Variants in CDC42SE2 observed in about 807,000 individuals in gnomAD.
CDC42SE2 encodes the protein CDC42 small effector protein 2.
Under a neutral mutation model 11.5 loss-of-function variants are expected in CDC42SE2, and 3 were observed. That is an observed-to-expected ratio of 0.26 (90% confidence interval 0.12 to 0.67). CDC42SE2 has a LOEUF of 0.67. CDC42SE2 is among the 30% of genes least tolerant of loss of function. The pLI, the probability that CDC42SE2 is intolerant of heterozygous loss-of-function variation, is 0.80. For missense variants in CDC42SE2, 82 were observed against 106.8 expected, an observed-to-expected ratio of 0.77 and a Z score of 1.02; for synonymous variants, 33 against 34.8, an observed-to-expected ratio of 0.95 and a Z score of 0.18.
At chr5:131,302,421 C>T (rs918845689) in intron 1 of CDC42SE2, among the ~76,000 whole-genome samples, 7 of 152,248 alleles carry the variant, frequency 4.6e-5, no homozygotes, top group Non-Finnish European at 1.0e-4. Flanking sequence ...TCGGGTGATC[C>T]GCCTGCCTCG....
chr5:131,345,719 G>C lies in CDC42SE2; in HGVS notation c.-285-13490G>C, dbSNP rs576890145. Among the ~76,000 whole-genome samples, 11 of 152,278 alleles carry C rather than the reference G, an allele frequency of 7.2e-5. No individual in the cohort carries two copies. The South Asian group carries it at 2.3e-3, about 32-fold the overall frequency. On this transcript the variant is annotated intron_variant, in intron 2 of 4. Transcript: ENST00000505065. ...TTGTCAGATTCACCAAGGTTGAAATGAAGGAAAAAATGTTAAGGGCAGCCA... is the reference window on the plus strand; with the variant it reads ...TTGTCAGATTCACCAAGGTTGAAATCAAGGAAAAAATGTTAAGGGCAGCCA...
chr5:131,325,546 C>G (rs143263896), intron 2 of CDC42SE2, among the ~76,000 whole-genome samples: 2 of 151,528 alleles, frequency 1.3e-5, no homozygotes, highest in African/African-American at 4.8e-5. Flanking sequence ...GGTAAACTTC[C>G]TATTCATTCT....
intron 3 of CDC42SE2, among the ~76,000 whole-genome samples, chr5:131,362,028 G>A (rs1399987537): frequency 2.0e-5 from 3 of 152,126 alleles, no homozygotes. Flanking sequence ...GGCCAGGGTG[G>A]TCTTGGAAAA....
chr5:131,389,074 T>C (rs1342255819), intron 4 of CDC42SE2, among the ~76,000 whole-genome samples: 2 of 152,118 alleles, frequency 1.3e-5, no homozygotes, highest in East Asian at 3.8e-4. Flanking sequence ...GGGCTCAAGT[T>C]ATCTGCCTAC....
chr5:131,275,020 A>G (rs1007116922), intron 1 of CDC42SE2, among the ~76,000 whole-genome samples: 1 of 152,214 alleles, frequency 6.6e-6, no homozygotes, highest in Non-Finnish European at 1.5e-5. Context: ...GTAGAAACAA[A>G]TTTAGATGCA....
intron 1 of CDC42SE2, among the ~76,000 whole-genome samples, chr5:131,287,526 G>A (rs1325494270): frequency 6.6e-6 from 1 of 150,968 alleles, no homozygotes; most frequent in Non-Finnish European, 1.5e-5. Context: ...GCAGTGGCAC[G>A]ATCATGTCTC....
At chr5:131,337,905 C>T (rs1394924248) in intron 2 of CDC42SE2, among the ~76,000 whole-genome samples, 1 of 152,206 alleles carries the variant, frequency 6.6e-6, no homozygotes, top group East Asian at 1.9e-4. Context: ...TTCCCTGACC[C>T]CTTGCACTTC....
At chr5:131,235,653 G>A in the CDC42SE2 span, among the ~76,000 whole-genome samples, 3 of 151,294 alleles carry the variant, frequency 2.0e-5, no homozygotes, top group African/African-American at 7.3e-5. Flanking sequence ...GGAGTGCAAT[G>A]GCATGGTCTC....
chr5:131,368,352 GTTTGACCA>G (rs1014360786), intron 3 of CDC42SE2, among the ~76,000 whole-genome samples: 17 of 151,328 alleles, frequency 1.1e-4, no homozygotes, highest in African/African-American at 4.1e-4. Flanking sequence ...TCTAGATTCT[GTTTGACCA>G]TTTGTTCATC....
chr5:131,237,270 T>C, the CDC42SE2 span, among the ~76,000 whole-genome samples: 2 of 152,252 alleles, frequency 1.3e-5, no homozygotes, highest in African/African-American at 2.4e-5. Context: ...GAAATCTTTT[T>C]ACTTCTCTTT....
At chr5:131,260,448 C>A (rs1420508833), upstream of CDC42SE2, among the ~76,000 whole-genome samples, 1 of 151,194 alleles carries the variant, frequency 6.6e-6, no homozygotes, top group Non-Finnish European at 1.5e-5. Flanking sequence ...CATGGTGAAA[C>A]CCTGTCTCTA....
intron 1 of CDC42SE2, among the ~76,000 whole-genome samples, chr5:131,297,374 A>C (rs182119842): frequency 1.3e-5 from 2 of 152,092 alleles, no homozygotes; most frequent in East Asian, 1.9e-4. Flanking sequence ...CCTCTTTCTC[A>C]TGTATACATG....
chr5:131,293,641 C>T (rs1353766740), intron 1 of CDC42SE2, among the ~76,000 whole-genome samples: 2 of 151,772 alleles, frequency 1.3e-5, no homozygotes, highest in East Asian at 1.9e-4. Flanking sequence ...TCTTGGACTT[C>T]CCAGCTTCCA....
chr5:131,256,389 A>G (rs1385221995), intron 2 of CDC42SE2, among the ~76,000 whole-genome samples: 1 of 152,230 alleles, frequency 6.6e-6, no homozygotes, highest in Non-Finnish European at 1.5e-5. Context: ...GATAGTCTAG[A>G]GAAGAGTTGG....
At chr5:131,313,809 A>G (rs932701262) in intron 1 of CDC42SE2, among the ~76,000 whole-genome samples, 3 of 151,954 alleles carry the variant, frequency 2.0e-5, no homozygotes, top group Non-Finnish European at 4.4e-5. Flanking sequence ...TGCCATTTCC[A>G]TATGATTTTA....
intron 2 of CDC42SE2, among the ~76,000 whole-genome samples, chr5:131,334,721 C>A (rs1404042497): frequency 2.0e-5 from 3 of 152,148 alleles, no homozygotes; most frequent in Non-Finnish European, 4.4e-5. Context: ...GGAATTTATC[C>A]ATTTCTTCTA....
intron 2 of CDC42SE2, among the ~76,000 whole-genome samples, chr5:131,348,529 A>G (rs200790000): frequency 6.6e-6 from 1 of 152,160 alleles, no homozygotes; most frequent in Admixed American, 6.5e-5. Context: ...ATGCTCATGG[A>G]TAGGAGGAAT....
At chr5:131,363,737 C>T (rs1472589348) in intron 3 of CDC42SE2, among the ~76,000 whole-genome samples, 2 of 147,074 alleles carry the variant, frequency 1.4e-5, no homozygotes, top group Non-Finnish European at 3.0e-5. Flanking sequence ...GCTGTGTCTC[C>T]CAAGCTGGAG....
At chr5:131,373,421 A>C (rs903518276) in intron 3 of CDC42SE2, among the ~76,000 whole-genome samples, 2 of 152,206 alleles carry the variant, frequency 1.3e-5, no homozygotes, top group African/African-American at 4.8e-5. Context: ...CCTTCATCTT[A>C]GAATGCCTGC....
Sources: gnomAD v4.1 joint callset for allele counts (sites outside exome capture counted in the v4.1 genomes callset) on GRCh38, gnomAD v4.1.1 for gene constraint, MANE v1.5 for transcripts, NCBI Gene and HGNC (gene_info 2026-07-23, HGNC 2026-07-21) for gene names.